The following RIPOR3 variants were observed in gnomAD, a reference collection of about 807,000 sequenced individuals.
RIPOR3 encodes the protein RIPOR family member 3.
A neutral mutation model predicts 114.3 loss-of-function variants in RIPOR3; 95 were observed. The observed-to-expected ratio is 0.83, with a 90% CI of 0.70 to 0.99. The LOEUF (loss-of-function observed/expected upper bound fraction) is 0.99. Ranked by LOEUF, RIPOR3 falls within the 50% of genes least tolerant of loss-of-function variation. The pLI is 0.00. For missense variants in RIPOR3, 1,252 were observed against 1,266.9 expected (o/e 0.99, Z 0.18); for synonymous variants, 575 against 543.8 (o/e 1.06, Z -0.80).
At position 50,604,685 on chromosome 20, in the gene RIPOR3, G is replaced by A. The variant is rs2123013304; in HGVS notation, c.1046C>T (p.Thr349Ile). ...CCGGAAGCTGGGGGTGCTCGGGGGTGTCCAGTTGTACAAGGAGCCCTTCCT... is the reference window on the plus strand; with the variant it reads ...CCGGAAGCTGGGGGTGCTCGGGGGTATCCAGTTGTACAAGGAGCCCTTCCT... The part of the protein sequence containing the change: ...GSRKGSLYNW[T>I]PPSTPSFRER... The change falls in exon 12 of 22, where the codon ACA becomes ATA. Residue 349 changes from threonine to isoleucine, a missense_variant. Thr to Ile is a moderately conservative substitution (Grantham distance 89). Transcript: ENST00000327979. The A allele has an allele frequency of 3.1e-6, 5 of 1,609,494 alleles. No individual in the cohort carries two copies. In the South Asian group the frequency reaches 5.5e-5, roughly 18 times the overall value.
At chr20:50,674,510 A>G (rs180952291) in intron 1 of RIPOR3, among the ~76,000 whole-genome samples, 21 of 151,506 alleles carry the variant, frequency 1.4e-4, no homozygotes, top group African/African-American at 4.4e-4. Flanking sequence ...TGAGTTGAAC[A>G]GTGTTCCCCC....
Position 50,592,406 on chromosome 20 carries a change from C to T in RIPOR3, c.2515G>A (p.Val839Met). ...ALLQLDGTPR[V>M]CRAASARLAG... ...AGGCGAGCGCTGGCCGCCCTGCACA[C>T]CCTCGGAGTGCCGTCCAGCTGGAGC... is the stretch of plus-strand genomic sequence containing the variant. The change falls in exon 19 of 22, where the codon GTG (valine) becomes ATG (methionine). Residue 839 changes from valine (V) to methionine (M), a missense_variant. Val to Met is a conservative substitution (Grantham distance 21). Transcript: ENST00000327979. 6.2e-7 allele frequency: 1 copy of T among 1,611,846 alleles called. No homozygotes were observed. Among genetic ancestry groups the T allele is most frequent in the Non-Finnish European group, 8.5e-7 (1 of 1,178,830 alleles).
intron 19 of RIPOR3, among the ~76,000 whole-genome samples, chr20:50,590,815 CTTTTT>C (rs11476746): frequency 3.0e-5 from 4 of 131,674 alleles, no homozygotes; most frequent in Non-Finnish European, 6.6e-5. Flanking sequence ...GATGAAGGCC[CTTTTT>C]TTTTTTTTTT....
intron 1 of RIPOR3, among the ~76,000 whole-genome samples, chr20:50,632,213 G>C (rs59209485): frequency 0.039 from 5,914 of 152,258 alleles, 402 homozygotes; most frequent in African/African-American, 0.14. Context: ...ACATAGGAAA[G>C]CTTGGCAACA....
intron 2 of RIPOR3, among the ~76,000 whole-genome samples, chr20:50,626,310 G>A (rs1016451598): frequency 1.3e-5 from 2 of 152,224 alleles, no homozygotes; most frequent in African/African-American, 2.4e-5. Context: ...AGGGACCTCC[G>A]AACCAGCCCA....
At chr20:50,614,339 G>A (rs558658893) in intron 4 of RIPOR3, among the ~76,000 whole-genome samples, 2 of 152,084 alleles carry the variant, frequency 1.3e-5, no homozygotes, top group Non-Finnish European at 2.9e-5. Flanking sequence ...CTGAGCCACT[G>A]GATGCTATTT....
At chr20:50,648,337 A>G (rs1478701535) in intron 1 of RIPOR3, among the ~76,000 whole-genome samples, 1 of 152,018 alleles carries the variant, frequency 6.6e-6, no homozygotes, top group Non-Finnish European at 1.5e-5. Context: ...GCTGTAAAAA[A>G]AAAAAAAAAT....
At chr20:50,660,097 T>G (rs540021695) in intron 1 of RIPOR3, 1 of 152,224 alleles carries the variant, frequency 6.6e-6, no homozygotes, top group African/African-American at 2.4e-5. Flanking sequence ...TACCTGGATG[T>G]GGGGTGGTCA....
intron 3 of RIPOR3, among the ~76,000 whole-genome samples, chr20:50,616,628 G>T (rs188685055): frequency 3.9e-5 from 6 of 152,214 alleles, no homozygotes; most frequent in East Asian, 3.9e-4. Context: ...ACAGGGGTGA[G>T]CTACCGCATC....
At chr20:50,628,305 A>G (rs964610249) in intron 2 of RIPOR3, among the ~76,000 whole-genome samples, 2 of 150,738 alleles carry the variant, frequency 1.3e-5, no homozygotes, top group African/African-American at 4.9e-5. Context: ...ATCAACTTAA[A>G]CCCTTCCCAG....
chr20:50,636,526 C>A (rs1480499821), intron 1 of RIPOR3: 1 of 983,426 alleles, frequency 1.0e-6, no homozygotes, highest in Non-Finnish European at 1.2e-6. Context: ...AGTGCAGAGA[C>A]CCTGCTGGGC....
intron 4 of RIPOR3, among the ~76,000 whole-genome samples, chr20:50,611,862 G>A (rs1442580898): frequency 6.6e-6 from 1 of 152,090 alleles, no homozygotes; most frequent in Non-Finnish European, 1.5e-5. Flanking sequence ...AGTGGCTCAC[G>A]CCTGTAATCC....
intron 19 of RIPOR3, 121 bp downstream of exon 19, chr20:50,592,223 A>C (rs1451200364): frequency 6.7e-6 from 7 of 1,037,500 alleles, no homozygotes; most frequent in Non-Finnish European, 9.3e-6. Flanking sequence ...CCTCCATCAA[A>C]ATAGCTCACA....
intron 1 of RIPOR3, among the ~76,000 whole-genome samples, chr20:50,678,933 A>T (rs760006573): frequency 6.6e-6 from 1 of 150,658 alleles, no homozygotes; most frequent in African/African-American, 2.4e-5. Context: ...GTGAGACTTC[A>T]TCTCTACAAA....
intron 1 of RIPOR3, among the ~76,000 whole-genome samples, chr20:50,669,665 G>A (rs1332889525): frequency 6.6e-6 from 1 of 152,114 alleles, no homozygotes; most frequent in East Asian, 1.9e-4. Flanking sequence ...TGGAGGTGCA[G>A]CAAGTTGAGA....
chr20:50,663,911 T>TTC (rs1191441114), intron 1 of RIPOR3, among the ~76,000 whole-genome samples: 29 of 141,236 alleles, frequency 2.1e-4, no homozygotes, highest in Middle Eastern at 4.1e-3. Context: ...ATATATTACT[T>TTC]TCTCTCTCTC....
At chr20:50,595,633 G>T (rs1335792607) in intron 15 of RIPOR3, 129 bp from the exon 16 acceptor site, 7 of 1,317,182 alleles carry the variant, frequency 5.3e-6, no homozygotes, top group Non-Finnish European at 1.0e-6. Context: ...ACTGTCATTT[G>T]GGGATTCCCC....
At chr20:50,675,828 T>C (rs1227874819) in intron 1 of RIPOR3, among the ~76,000 whole-genome samples, 1 of 152,202 alleles carries the variant, frequency 6.6e-6, no homozygotes, top group Non-Finnish European at 1.5e-5. Context: ...GTCCAGCAAA[T>C]GTCTGCTCAT....
At chr20:50,655,668 GCT>G (rs758075142) in intron 1 of RIPOR3, among the ~76,000 whole-genome samples, 1 of 140,904 alleles carries the variant, frequency 7.1e-6, no homozygotes, top group Non-Finnish European at 1.5e-5. Context: ...GTTAGCGTGG[GCT>G]GTGTGTGTGT....
Sources: allele counts gnomAD v4.1 joint callset (sites outside exome capture counted in the v4.1 genomes callset), GRCh38; gene constraint gnomAD v4.1.1; transcripts MANE v1.5; gene names NCBI Gene and HGNC (gene_info 2026-07-23, HGNC 2026-07-21).